The following NOS1 variants were observed in gnomAD, a reference collection of about 807,000 sequenced individuals.
NOS1 encodes the protein NOS type I.
A neutral mutation model predicts 164.5 loss-of-function variants in NOS1; 51 were observed. The ratio of observed to expected loss-of-function variants is 0.31; its 90% CI spans 0.25 to 0.39. The LOEUF (loss-of-function observed/expected upper bound fraction) is 0.39. Among genes scored for constraint, NOS1 ranks in the 10% least tolerant of loss-of-function variants. The pLI is 1.00. For missense variants in NOS1, 1,362 were observed against 1,885.6 expected (o/e 0.72, Z 5.14); for synonymous variants, 719 against 745.8 (o/e 0.96, Z 0.59).
chr12:117,247,588 A>G, intron 17 of NOS1, 66 bp from the exon 18 acceptor site: 1 of 1,444,492 alleles, frequency 6.9e-7, no homozygotes, highest in Non-Finnish European at 9.4e-7. Context: ...TGTCTGGTGT[A>G]ATGGGCTAAA....
At chr12:117,253,804 G>A (rs749581729) in intron 16 of NOS1, 50 bp from the exon 17 acceptor site, 5 of 1,252,880 alleles carry the variant, frequency 4.0e-6, no homozygotes, top group Non-Finnish European at 5.9e-6. Flanking sequence ...GCTCCCTCCT[G>A]AGGTCAACAC....
chr12:117,229,181 C>T (rs1006654587), intron 22 of NOS1, among the ~76,000 whole-genome samples: 4 of 152,200 alleles, frequency 2.6e-5, no homozygotes, highest in African/African-American at 7.2e-5. Flanking sequence ...GGACCAAGAG[C>T]CCTGGCCTCT....
chr12:117,310,823 A>AAT (rs566382978), intron 3 of NOS1, among the ~76,000 whole-genome samples: 1 of 150,828 alleles, frequency 6.6e-6, no homozygotes, highest in East Asian at 2.0e-4. Flanking sequence ...TTAAAAAAAA[A>AAT]TTTTTTTTTT....
intron 10 of NOS1, among the ~76,000 whole-genome samples, chr12:117,270,916 A>T (rs963239819): frequency 1.3e-5 from 2 of 152,000 alleles, no homozygotes; most frequent in African/African-American, 4.8e-5. Flanking sequence ...GGTGGTGTGT[A>T]CCTGTAGTCC....
At chr12:117,335,519 A>G (rs1186249389) in intron 1 of NOS1, among the ~76,000 whole-genome samples, 1 of 152,104 alleles carries the variant, frequency 6.6e-6, no homozygotes, top group Non-Finnish European at 1.5e-5. Flanking sequence ...ATGGCTGCCA[A>G]TGAGAGGGAG....
At chr12:117,284,972 C>T (rs1873988600) in intron 7 of NOS1, among the ~76,000 whole-genome samples, 1 of 150,722 alleles carries the variant, frequency 6.6e-6, no homozygotes, top group African/African-American at 2.4e-5. Context: ...ATCGCTTGAA[C>T]CTGGGAGGCA....
chr12:117,237,823 G>A (rs1341283833), intron 20 of NOS1, among the ~76,000 whole-genome samples: 4 of 152,174 alleles, frequency 2.6e-5, no homozygotes, highest in Non-Finnish European at 5.9e-5. Context: ...GAGAGGGGAA[G>A]GACAGCAAAG....
intron 16 of NOS1, chr12:117,255,903 A>T: frequency 7.2e-7 from 1 of 1,385,802 alleles, no homozygotes; most frequent in Non-Finnish European, 9.6e-7. Flanking sequence ...ATACACTCGC[A>T]CACACCTGCG....
At position 117,343,240 on chromosome 12, in the gene NOS1, A is replaced by AGAAG. The variant is rs1270454463; in HGVS notation, c.-420-11755_-420-11752dup. ...GTGACAGTGCAAGACTCTGTCAAAA[A>AGAAG]GAAGGAAGGAAGGAAGGAAGAGAGG... is the stretch of plus-strand genomic sequence containing the variant. On this transcript the variant is annotated intron_variant, in intron 1 of 28. Coordinates refer to ENST00000317775, the MANE Select transcript of NOS1 (RefSeq NM_000620.5). Among the ~76,000 whole-genome samples, 16 of 151,468 alleles carry AGAAG rather than the reference A, an allele frequency of 1.1e-4. No individual in the cohort carries two copies. The South Asian group carries it at 1.7e-3, about 16-fold the overall frequency.
intron 22 of NOS1, among the ~76,000 whole-genome samples, chr12:117,231,740 G>A (rs181351843): frequency 6.6e-6 from 1 of 152,326 alleles, no homozygotes; most frequent in African/African-American, 2.4e-5. Context: ...GTTGTAGCCA[G>A]GGAACTGTTG....
intron 26 of NOS1, 49 bp downstream of exon 26, chr12:117,222,666 G>A (rs1216911357): frequency 1.3e-6 from 2 of 1,569,888 alleles, no homozygotes; most frequent in Non-Finnish European, 1.7e-6. Context: ...GGATGTCCAA[G>A]TGTGCATGTG....
rs1430041529 is a variant in NOS1 at position 117,214,741 on chromosome 12, G to A, written c.*568C>T. The A allele has an allele frequency of 4.1e-6, 4 of 985,076 alleles. No homozygotes were observed. Among genetic ancestry groups the A allele is most frequent in the African/African-American group, 1.8e-5 (1 of 57,142 alleles). The allele number at this position is 985,076 out of a possible 1,614,324, so 61.0% of individuals were successfully genotyped here. A position where few individuals can be genotyped will look rare whatever the true frequency, so the allele number is the denominator to read the frequency against. On this transcript the variant is annotated 3_prime_UTR_variant, in exon 29 of 29. Transcript: ENST00000317775. ...AGGGATTAATATGGGCCAGGGACAC[G>A]TTTCTTGGCATTGAGGGTCTTCAAT...
intron 11 of NOS1, among the ~76,000 whole-genome samples, 189 bp from the exon 12 acceptor site, chr12:117,265,699 G>A (rs1014485509): frequency 2.6e-5 from 4 of 152,108 alleles, no homozygotes; most frequent in African/African-American, 9.7e-5. Context: ...GAAAGTCTTC[G>A]TTGGGTGCTA....
intron 3 of NOS1, among the ~76,000 whole-genome samples, chr12:117,308,401 C>T (rs899840694): frequency 4.6e-5 from 7 of 152,016 alleles, no homozygotes; most frequent in Non-Finnish European, 5.9e-5. Flanking sequence ...CCTAGTTACT[C>T]GGGATGCTGC....
At chr12:117,258,541 G>C (rs1164627022) in intron 15 of NOS1, 86 bp from the exon 16 acceptor site, 5 of 1,379,164 alleles carry the variant, frequency 3.6e-6, no homozygotes, top group Non-Finnish European at 5.1e-6. Context: ...GGTCCTGGCT[G>C]TCAAAGAGGA....
At chr12:117,259,977 A>G (rs940346934) in intron 14 of NOS1, among the ~76,000 whole-genome samples, 66 of 152,020 alleles carry the variant, frequency 4.3e-4, no homozygotes, top group Middle Eastern at 6.8e-3. Context: ...AAATTAGCCG[A>G]ACGTGGTGGT....
chr12:117,286,001 A>T (rs41383549), intron 6 of NOS1, 103 bp downstream of exon 6: 5 of 1,317,396 alleles, frequency 3.8e-6, no homozygotes, highest in Non-Finnish European at 5.3e-6. Flanking sequence ...CATGGCTACC[A>T]GGTACCCTTG....
chr12:117,240,047 T>A (rs1398451122), intron 20 of NOS1, among the ~76,000 whole-genome samples: 1 of 152,214 alleles, frequency 6.6e-6, no homozygotes, highest in Non-Finnish European at 1.5e-5. Flanking sequence ...ACTTATGTAC[T>A]ATGGCTTTTG....
chr12:117,253,687 G>A lies in NOS1; in HGVS notation c.2599C>T (p.Pro867Ser), dbSNP rs749440184. ...CTCTCAAAGTTGTCTCTGAGGTCGG[G>A]CCCATCGCCTGATGATTTTTGGGAG... is the stretch of plus-strand genomic sequence containing the variant. ...SDSQKSSGDG[P>S]DLRDNFESAG... The change falls in exon 17 of 29, where the codon CCC becomes TCC. Residue 867 changes from proline to serine, a missense_variant. Around this residue, in one of 4 missense-constraint regions of NOS1, gnomAD observed 737 missense variants for 1,030.3 expected, o/e 0.72. Transcript: ENST00000317775. 5 of 1,613,996 alleles carry A rather than the reference G, an allele frequency of 3.1e-6. No individual in the cohort carries two copies. The Admixed American group carries it at 6.7e-5, about 22-fold the overall frequency.
Sources: allele counts gnomAD v4.1 joint callset (sites outside exome capture counted in the v4.1 genomes callset), GRCh38; gene constraint gnomAD v4.1.1; regional missense constraint gnomAD v4.1.1; transcripts MANE v1.5; gene names NCBI Gene and HGNC (gene_info 2026-07-23, HGNC 2026-07-21).